Variants in GLI3 observed in about 807,000 individuals in gnomAD.
GLI3 encodes the protein transcription activator GLI3.
GLI3 carries 20 observed loss-of-function variants against 100.8 expected under a neutral mutation model. The observed-to-expected ratio is 0.20, with a 90% confidence interval of 0.14 to 0.29. The LOEUF is 0.29. Among genes scored for constraint, GLI3 ranks in the 10% least tolerant of loss-of-function variants. The probability of loss-of-function intolerance (pLI) is 1.00; values close to 1 mark genes in which losing one functional copy is unlikely to be tolerated. For missense variants in GLI3, 2,040 were observed against 2,128.5 expected (o/e 0.96, Z 0.82); for synonymous variants, 938 against 860.5 (o/e 1.09, Z -1.58).
At chr7:42,109,837 G>T (rs561220056) in intron 3 of GLI3, among the ~76,000 whole-genome samples, 40 of 152,276 alleles carry the variant, frequency 2.6e-4, no homozygotes, top group African/African-American at 9.6e-4. Context: ...ATGAACGTCG[G>T]CTTTTCCACT....
chr7:42,090,960 G>C (rs1441844104), intron 3 of GLI3, among the ~76,000 whole-genome samples: 2 of 152,216 alleles, frequency 1.3e-5, no homozygotes, highest in Non-Finnish European at 2.9e-5. Context: ...AACTGACAAA[G>C]CTTGGCCTCA....
At chr7:42,017,563 G>C (rs774418597) in intron 10 of GLI3, among the ~76,000 whole-genome samples, 36 of 152,154 alleles carry the variant, frequency 2.4e-4, no homozygotes, top group Non-Finnish European at 4.6e-4. Context: ...CTGCCAGCCA[G>C]CTAGCTCGCA....
intron 2 of GLI3, among the ~76,000 whole-genome samples, chr7:42,189,344 G>A (rs1252577652): frequency 1.3e-5 from 2 of 152,138 alleles, no homozygotes; most frequent in East Asian, 1.9e-4. Flanking sequence ...CAGGGAGATG[G>A]TTGTAGAAAG....
chr7:42,167,308 A>G (rs1562768522), intron 2 of GLI3, among the ~76,000 whole-genome samples: 1 of 152,216 alleles, frequency 6.6e-6, no homozygotes, highest in African/African-American at 2.4e-5. Flanking sequence ...ACAAACTACC[A>G]TACTACAGAA....
intron 3 of GLI3, among the ~76,000 whole-genome samples, chr7:42,133,212 A>G (rs562054777): frequency 8.9e-4 from 135 of 152,352 alleles, no homozygotes; most frequent in Non-Finnish European, 1.5e-3. Context: ...ATGACTCCTT[A>G]GAACAACTCT....
chr7:41,972,102 A>G lies in GLI3; in HGVS notation c.2103+235T>C, dbSNP rs565653477. The stretch of plus-strand genomic sequence containing the variant: ...AGACAGTCGTGTCTTTCTTCCTTCC[A>G]TGGCACAGTGGTATGGTTCTGGGAG... On this transcript the variant is annotated intron_variant, in intron 13 of 14. Transcript: ENST00000395925. This position sits in a 1 kb window ranked among gnomAD's most constrained non-coding sequence, Gnocchi z 4.4. 6.6e-6 allele frequency among the ~76,000 whole-genome samples: 1 copy of G among 152,274 alleles called. No homozygotes were observed. The highest frequency in any genetic ancestry group is 1.9e-4 in the East Asian group (1 of 5,184).
At chr7:42,244,437 C>T (rs1188930621) in intron 1 of GLI3, among the ~76,000 whole-genome samples, 1 of 152,188 alleles carries the variant, frequency 6.6e-6, no homozygotes, top group African/African-American at 2.4e-5. Flanking sequence ...CCAACCAGCA[C>T]TTTTGTATGA....
chr7:41,989,590 T>A (rs1787927400), intron 10 of GLI3, among the ~76,000 whole-genome samples: 1 of 152,198 alleles, frequency 6.6e-6, no homozygotes, highest in Non-Finnish European at 1.5e-5. Context: ...ATATCCAAGT[T>A]AAGGATTTCA....
chr7:42,130,417 AG>A (rs1305261821), intron 3 of GLI3, among the ~76,000 whole-genome samples: 2 of 152,254 alleles, frequency 1.3e-5, no homozygotes, highest in Non-Finnish European at 2.9e-5. Flanking sequence ...AACTTTTAGA[AG>A]GTTTTAGAAA....
chr7:42,030,269 C>T (rs1168946183), intron 7 of GLI3, among the ~76,000 whole-genome samples: 11 of 152,108 alleles, frequency 7.2e-5, no homozygotes, highest in South Asian at 4.1e-4. Flanking sequence ...ATCACTGCCA[C>T]CCGGATAATC....
intron 3 of GLI3, 150 bp from the exon 4 acceptor site, chr7:42,077,007 G>A (rs879440987): frequency 5.8e-6 from 4 of 691,896 alleles, no homozygotes; most frequent in Non-Finnish European, 7.9e-6. Flanking sequence ...TAGTTATGAA[G>A]CTCTGTGAGG....
At chr7:42,203,968 C>T (rs1270847314) in intron 2 of GLI3, among the ~76,000 whole-genome samples, 1 of 152,132 alleles carries the variant, frequency 6.6e-6, no homozygotes, top group Non-Finnish European at 1.5e-5. Context: ...CACCGCACTC[C>T]AGCCTGGGGT....
intron 10 of GLI3, 38 bp from the exon 11 acceptor site, chr7:41,978,786 C>A: frequency 6.3e-7 from 1 of 1,593,624 alleles, no homozygotes; most frequent in East Asian, 2.2e-5. Flanking sequence ...CAAATGGAAA[C>A]GTATTCATCA....
At chr7:42,053,989 A>C (rs1210387173) in intron 4 of GLI3, among the ~76,000 whole-genome samples, 1 of 152,106 alleles carries the variant, frequency 6.6e-6, no homozygotes, top group Non-Finnish European at 1.5e-5. Flanking sequence ...TCCTGTATGC[A>C]ATGCCTCTGT....
intron 3 of GLI3, among the ~76,000 whole-genome samples, chr7:42,101,836 CTCT>C (rs1562730221): frequency 7.7e-4 from 74 of 96,190 alleles, no homozygotes; most frequent in South Asian, 2.2e-3. Flanking sequence ...TCCCTCCACC[CTCT>C]CCCACCCCAC....
chr7:42,036,388 G>T (rs901912708), intron 7 of GLI3, among the ~76,000 whole-genome samples: 1 of 152,158 alleles, frequency 6.6e-6, no homozygotes, highest in East Asian at 1.9e-4. Flanking sequence ...AATATTTACT[G>T]AATGGCATCA....
At chr7:42,045,238 G>C in intron 6 of GLI3, 146 bp downstream of exon 6, 1 of 846,446 alleles carries the variant, frequency 1.2e-6, no homozygotes, top group Non-Finnish European at 2.0e-6. Context: ...AAAACGAAGG[G>C]AACCAGAGCA....
chr7:42,219,832 T>C (rs1456225174), intron 2 of GLI3, among the ~76,000 whole-genome samples: 3 of 152,072 alleles, frequency 2.0e-5, no homozygotes, highest in Non-Finnish European at 4.4e-5. Context: ...ATCACATTCA[T>C]TTGGTTTTTG....
upstream of GLI3, among the ~76,000 whole-genome samples, chr7:42,237,553 T>C (rs1448240082): frequency 6.7e-6 from 1 of 148,236 alleles, no homozygotes; most frequent in Non-Finnish European, 1.5e-5. Flanking sequence ...GCTCCCTCCT[T>C]CCCTTCTCTC....
Sources: gnomAD v4.1 joint callset for allele counts (sites outside exome capture counted in the v4.1 genomes callset) on GRCh38, gnomAD v4.1.1 for gene constraint, Gnocchi (gnomAD v3.1) non-coding constraint, MANE v1.5 for transcripts, NCBI Gene and HGNC (gene_info 2026-07-23, HGNC 2026-07-21) for gene names.